ZMIZ1: variants seen among roughly 807,000 people sequenced by gnomAD.
ZMIZ1 encodes zinc finger MIZ-type containing 1, also known as zinc finger MIZ domain-containing protein 1.
Under a neutral mutation model 113.9 loss-of-function variants are expected in ZMIZ1, and 17 were observed. The observed-to-expected ratio is 0.15, with a 90% CI of 0.10 to 0.22. The LOEUF is 0.22. Ranked by LOEUF, ZMIZ1 falls within the 10% of genes least tolerant of loss-of-function variation. The probability of loss-of-function intolerance (pLI) is 1.00; values close to 1 mark genes in which losing one functional copy is unlikely to be tolerated. For missense variants in ZMIZ1, 1,059 were observed against 1,477.8 expected (o/e 0.72, Z 4.65); for synonymous variants, 607 against 603.1 (o/e 1.01, Z -0.09).
intron 5 of ZMIZ1, among the ~76,000 whole-genome samples, chr10:79,206,775 G>C (rs781070173): frequency 1.3e-5 from 2 of 152,220 alleles, no homozygotes; most frequent in African/African-American, 2.4e-5. Context: ...GCCTCATCTT[G>C]TTTAAGCCTC....
In ZMIZ1 at chr10:79,119,041, G is replaced by A. The variant is rs1341496780; in HGVS notation, c.-227+17G>A. On this transcript the variant is annotated intron_variant, in intron 2 of 24. Coordinates refer to ENST00000334512, the MANE Select transcript of ZMIZ1 (RefSeq NM_020338.4). ...CCTGAGCAGGTAAGTGGGATGGGCT[G>A]GCCCTCTGGTGCTGTGCACCTGCTG... is the stretch of plus-strand genomic sequence containing the variant. The A allele has an allele frequency of 6.6e-6, 1 of 152,478 alleles. No individual in the cohort carries two copies. Among genetic ancestry groups the A allele is most frequent in the African/African-American group, 2.4e-5 (1 of 41,460 alleles). 9.4% of individuals were successfully genotyped at this position (152,478 alleles called of 1,614,324 possible).
chr10:79,312,589 G>A, intron 24 of ZMIZ1, 53 bp from the exon 25 acceptor site: 1 of 1,597,464 alleles, frequency 6.3e-7, no homozygotes, highest in Non-Finnish European at 8.6e-7. Flanking sequence ...CCTCACCCGG[G>A]GCCTGCCTCT....
intron 4 of ZMIZ1, among the ~76,000 whole-genome samples, chr10:79,168,052 G>A (rs1016563339): frequency 2.0e-5 from 3 of 152,202 alleles, no homozygotes; most frequent in Non-Finnish European, 2.9e-5. Flanking sequence ...GAGTCAGGCT[G>A]GCGGCAGAAC....
At chr10:79,294,037 A>C in intron 12 of ZMIZ1, 1 of 291,714 alleles carries the variant, frequency 3.4e-6, no homozygotes, top group East Asian at 7.0e-5. Context: ...AGCTTCCCCA[A>C]CTCCTCTCCA....
At chr10:79,141,646 G>T (rs1454580503) in intron 3 of ZMIZ1, among the ~76,000 whole-genome samples, 1 of 152,180 alleles carries the variant, frequency 6.6e-6, no homozygotes, top group East Asian at 1.9e-4. Context: ...GGACTTAAGT[G>T]ATCCACCTGC....
intron 1 of ZMIZ1, among the ~76,000 whole-genome samples, chr10:79,071,393 C>G (rs529538684): frequency 6.6e-6 from 1 of 152,360 alleles, no homozygotes; most frequent in East Asian, 1.9e-4. Flanking sequence ...TTGCTTATTA[C>G]TGTTTTTGAA....
chr10:79,144,244 A>G (rs1195049003), intron 3 of ZMIZ1, among the ~76,000 whole-genome samples: 2 of 152,184 alleles, frequency 1.3e-5, no homozygotes, highest in African/African-American at 4.8e-5. Flanking sequence ...CTGATGGGTA[A>G]AACAGGGTTA....
In ZMIZ1 at chr10:79,069,662, G is replaced by GGA. The variant is rs1473510002; in HGVS notation, c.-337+393_-337+394insAG. 1.3e-5 allele frequency among the ~76,000 whole-genome samples: 2 copies of GGA among 152,120 alleles called. No individual in the cohort carries two copies. Among genetic ancestry groups the GGA allele is most frequent in the Non-Finnish European group, 2.9e-5 (2 of 68,002 alleles). Reference sequence around the variant, plus strand: ...GGAGGAGGGAGGGAAGGACCGCCTCGGTCTCCTTCGCCTCCTCTGGGGAGA... The same window carrying GGA: ...GGAGGAGGGAGGGAAGGACCGCCTCGGAGTCTCCTTCGCCTCCTCTGGGGAGA... On this transcript the variant is annotated intron_variant, in intron 1 of 24. Transcript: ENST00000334512. This position sits in a 1 kb window ranked among gnomAD's most constrained non-coding sequence, Gnocchi z 4.6.
chr10:79,255,590 A>T (rs1157102016), intron 7 of ZMIZ1, among the ~76,000 whole-genome samples: 4 of 151,868 alleles, frequency 2.6e-5, no homozygotes, highest in Admixed American at 6.5e-5. Context: ...TGTGCTCTCC[A>T]AGTGTACCTT....
chr10:79,182,934 A>T (rs955727496), intron 4 of ZMIZ1, among the ~76,000 whole-genome samples: 14 of 152,192 alleles, frequency 9.2e-5, no homozygotes, highest in Non-Finnish European at 1.5e-4. Context: ...TCACCATCTG[A>T]GCAGTGAGGG....
At chr10:79,139,625 G>C (rs1034116955) in intron 2 of ZMIZ1, 57 bp from the exon 3 acceptor site, 1 of 398,118 alleles carries the variant, frequency 2.5e-6, no homozygotes, top group Non-Finnish European at 4.4e-6. Context: ...TGGGAGGGGA[G>C]TGGACGGCAC....
intron 3 of ZMIZ1, among the ~76,000 whole-genome samples, chr10:79,149,829 A>G (rs541948086): frequency 1.3e-5 from 2 of 152,348 alleles, no homozygotes; most frequent in South Asian, 4.1e-4. Context: ...TGACTTGGAA[A>G]GGCAGGGATT....
chr10:79,289,849 T>TCAC lies in ZMIZ1; in HGVS notation c.504_506dup (p.Thr169dup). 1 of 1,614,108 alleles carries TCAC rather than the reference T, an allele frequency of 6.2e-7. No homozygotes were observed. The highest frequency in any genetic ancestry group is 8.5e-7 in the Non-Finnish European group (1 of 1,179,942). On this transcript the variant is annotated inframe_insertion, in exon 9 of 25. Transcript: ENST00000334512. ...CAGCCTCCCGGCTCCCTTTCCGTGG[T>TCAC]CACCACGGTTTGGGGAGTAACCAAC... is the stretch of plus-strand genomic sequence containing the variant.
At position 79,080,123 on chromosome 10, in the gene ZMIZ1, G is replaced by A. The variant is rs140049762; in HGVS notation, c.-337+10853G>A. ...CATGAGTCACTCTGCCTCCCTGCTC[G>A]CAGTCCTCATGTCCCCACCTTCCTG... On this transcript the variant is annotated intron_variant, in intron 1 of 24. Transcript: ENST00000334512. Among the ~76,000 whole-genome samples the A allele has an allele frequency of 2.9e-3, 446 of 152,186 alleles. 1 individual carries two copies. The highest frequency in any genetic ancestry group is 0.011 in the South Asian group (55 of 4,820).
intron 16 of ZMIZ1, among the ~76,000 whole-genome samples, chr10:79,299,664 G>T (rs1011076487): frequency 1.3e-5 from 2 of 152,252 alleles, no homozygotes; most frequent in African/African-American, 4.8e-5. Flanking sequence ...GCACGTGCTG[G>T]AACACAAGGT....
intron 7 of ZMIZ1, among the ~76,000 whole-genome samples, chr10:79,248,028 G>A (rs899018463): frequency 1.3e-5 from 2 of 152,218 alleles, no homozygotes; most frequent in African/African-American, 4.8e-5. Context: ...CCCTGTGCCA[G>A]AGAGGTGGGG....
chr10:79,244,995 T>C (rs909566113), intron 7 of ZMIZ1, among the ~76,000 whole-genome samples: 7 of 152,202 alleles, frequency 4.6e-5, no homozygotes, highest in African/African-American at 1.7e-4. Context: ...TTTTTGTGTA[T>C]AAGCCAGGCA....
chr10:79,176,232 G>T (rs140051003), intron 4 of ZMIZ1, among the ~76,000 whole-genome samples: 1 of 152,128 alleles, frequency 6.6e-6, no homozygotes, highest in Non-Finnish European at 1.5e-5. Context: ...GAGCTCCCAG[G>T]CTTCTCCAAA....
At chr10:79,104,950 G>GGGGGGTGTGTGT (rs1190362797) in intron 1 of ZMIZ1, among the ~76,000 whole-genome samples, 1 of 140,092 alleles carries the variant, frequency 7.1e-6, no homozygotes, top group African/African-American at 2.7e-5. Context: ...GTTGTTGTGG[G>GGGGGGTGTGTGT]GTGTGTGTGT....
Sources: allele counts gnomAD v4.1 joint callset (sites outside exome capture counted in the v4.1 genomes callset), GRCh38; gene constraint gnomAD v4.1.1; non-coding constraint Gnocchi (gnomAD v3.1); transcripts MANE v1.5; gene names NCBI Gene and HGNC (gene_info 2026-07-23, HGNC 2026-07-21).